The following PTPRD variants were observed in gnomAD, a reference collection of about 807,000 sequenced individuals.
The protein encoded by PTPRD is receptor-type tyrosine-protein phosphatase delta.
PTPRD carries 34 observed loss-of-function variants against 214.5 expected under a neutral mutation model. That is an observed-to-expected ratio of 0.16 (90% CI 0.12 to 0.21). The LOEUF is 0.21. Among genes scored for constraint, PTPRD ranks in the 10% least tolerant of loss-of-function variants. The pLI, the probability that PTPRD is intolerant of heterozygous loss-of-function variation, is 1.00. For synonymous variants in PTPRD, 1,128 were observed against 845.7 expected (o/e 1.33, Z -5.79); for missense variants, 2,545 against 2,398.7 (o/e 1.06, Z -1.27).
chr9:10,194,445 T>C (rs1410510161), intron 3 of PTPRD, among the ~76,000 whole-genome samples: 1 of 148,366 alleles, frequency 6.7e-6, no homozygotes, highest in African/African-American at 2.5e-5. Flanking sequence ...CTGTTAGAGA[T>C]TATATAATTA....
intron 37 of PTPRD, among the ~76,000 whole-genome samples, chr9:8,383,146 T>C (rs1228305000): frequency 6.6e-6 from 1 of 152,228 alleles, no homozygotes; most frequent in South Asian, 2.1e-4. Flanking sequence ...CTTTGTTTTA[T>C]AGGAAAAGAA....
At chr9:10,172,741 T>C (rs1489663542) in intron 3 of PTPRD, among the ~76,000 whole-genome samples, 1 of 152,222 alleles carries the variant, frequency 6.6e-6, no homozygotes, top group Non-Finnish European at 1.5e-5. Context: ...TTTTGCTATC[T>C]GCTGATTAAA....
At chr9:10,196,361 T>C (rs1224598835) in intron 3 of PTPRD, among the ~76,000 whole-genome samples, 3 of 152,140 alleles carry the variant, frequency 2.0e-5, no homozygotes, top group Non-Finnish European at 4.4e-5. Context: ...TCAATATATG[T>C]AAAGTGCTTT....
intron 10 of PTPRD, among the ~76,000 whole-genome samples, chr9:9,165,450 G>A (rs2099901235): frequency 6.6e-6 from 1 of 152,192 alleles, no homozygotes. Context: ...GACATAATTA[G>A]AGCGGCAAAG....
chr9:10,360,118 A>G (rs1175879934), intron 2 of PTPRD, among the ~76,000 whole-genome samples: 1 of 152,200 alleles, frequency 6.6e-6, no homozygotes, highest in African/African-American at 2.4e-5. Flanking sequence ...GTCCTACTGA[A>G]AAACGCAGAT....
chr9:9,499,751 G>T (rs1246470160), intron 8 of PTPRD, among the ~76,000 whole-genome samples: 1 of 152,038 alleles, frequency 6.6e-6, no homozygotes, highest in African/African-American at 2.4e-5. Context: ...CATGGATAGT[G>T]TTAATGCCCT....
chr9:10,101,185 A>C lies in PTPRD; in HGVS notation c.-544-67395T>G, dbSNP rs1005509743. ...AACTGCTTGGCTCATGACTGAGAGG[A>C]ACCCCAAGAAGCAGAGGAGGTGTTA... On this transcript the variant is annotated intron_variant, in intron 3 of 45. Coordinates refer to ENST00000381196, the MANE Select transcript of PTPRD (RefSeq NM_002839.4). Among the ~76,000 whole-genome samples the C allele has an allele frequency of 3.0e-4, 45 of 151,614 alleles. 1 individual carries two copies.
chr9:9,127,762 C>A (rs1183024485), intron 10 of PTPRD, among the ~76,000 whole-genome samples: 1 of 151,284 alleles, frequency 6.6e-6, no homozygotes. Context: ...GAGATTACCT[C>A]GGGAAAGAGT....
At chr9:10,257,183 T>C (rs536077227) in intron 3 of PTPRD, among the ~76,000 whole-genome samples, 25 of 152,358 alleles carry the variant, frequency 1.6e-4, no homozygotes, top group Non-Finnish European at 3.4e-4. Flanking sequence ...TAACATATAC[T>C]GGTTTTAGAC....
At chr9:8,699,401 G>A (rs1041545066) in intron 12 of PTPRD, among the ~76,000 whole-genome samples, 2 of 151,978 alleles carry the variant, frequency 1.3e-5, no homozygotes, top group Non-Finnish European at 2.9e-5. Flanking sequence ...GTAAATACAT[G>A]GTATTTTTCA....
At chr9:9,064,880 A>C (rs1266403268) in intron 10 of PTPRD, among the ~76,000 whole-genome samples, 1 of 152,244 alleles carries the variant, frequency 6.6e-6, no homozygotes, top group African/African-American at 2.4e-5. Context: ...GACAGCAGTC[A>C]TGAAGATACA....
chr9:9,264,330 T>C (rs1461248219), intron 9 of PTPRD, among the ~76,000 whole-genome samples: 2 of 151,512 alleles, frequency 1.3e-5, no homozygotes, highest in African/African-American at 2.4e-5. Flanking sequence ...AAGAAAGAGA[T>C]AGAAATCATA....
intron 12 of PTPRD, among the ~76,000 whole-genome samples, chr9:8,692,013 T>C (rs970196948): frequency 2.0e-5 from 3 of 152,214 alleles, no homozygotes; most frequent in Non-Finnish European, 4.4e-5. Flanking sequence ...CCTGGATTTT[T>C]ACTATTCTCC....
intron 2 of PTPRD, among the ~76,000 whole-genome samples, chr9:10,565,799 C>T (rs555235933): frequency 2.6e-5 from 4 of 151,840 alleles, no homozygotes; most frequent in Non-Finnish European, 4.4e-5. Context: ...TACTTCATCA[C>T]TTTTTCCTTG....
intron 8 of PTPRD, among the ~76,000 whole-genome samples, chr9:9,532,788 C>A (rs573797024): frequency 2.0e-5 from 3 of 152,112 alleles, no homozygotes; most frequent in Non-Finnish European, 2.9e-5. Flanking sequence ...CACATTAGCA[C>A]CCTTGGAGCA....
chr9:9,888,360 G>A (rs995020735), intron 5 of PTPRD, among the ~76,000 whole-genome samples: 2 of 152,124 alleles, frequency 1.3e-5, no homozygotes, highest in African/African-American at 4.8e-5. Context: ...GAGGACTACT[G>A]CCATCATATT....
At chr9:9,818,970 G>T (rs949818445) in intron 5 of PTPRD, among the ~76,000 whole-genome samples, 7 of 145,740 alleles carry the variant, frequency 4.8e-5, no homozygotes, top group African/African-American at 1.7e-4. Flanking sequence ...TTATTTTATT[G>T]TAATAGCTGA....
intron 2 of PTPRD, among the ~76,000 whole-genome samples, chr9:10,565,139 A>T (rs1476545915): frequency 6.6e-6 from 1 of 152,144 alleles, no homozygotes; most frequent in Non-Finnish European, 1.5e-5. Context: ...TTACACTTAA[A>T]ATATACAGGA....
chr9:9,229,564 T>C lies in PTPRD; in HGVS notation c.-202-46201A>G, dbSNP rs77619751. On this transcript the variant is annotated intron_variant, in intron 9 of 45. Transcript: ENST00000381196. ...TGTACAAAAATGTTGAGAGAAAACTTATGGCTCCTTTGACTATTCAAATGG... is the reference window on the plus strand; with the variant it reads ...TGTACAAAAATGTTGAGAGAAAACTCATGGCTCCTTTGACTATTCAAATGG... 8.0e-3 allele frequency among the ~76,000 whole-genome samples: 1,225 copies of C among 152,250 alleles called. 14 individuals are homozygous for C. Among genetic ancestry groups the C allele is most frequent in the African/African-American group, 0.028 (1,151 of 41,542 alleles).
Sources: gnomAD v4.1 joint callset for allele counts (sites outside exome capture counted in the v4.1 genomes callset) on GRCh38, gnomAD v4.1.1 for gene constraint, MANE v1.5 for transcripts, NCBI Gene and HGNC (gene_info 2026-07-23, HGNC 2026-07-21) for gene names.